RORA: variants seen among roughly 807,000 people sequenced by gnomAD.
The protein encoded by RORA is nuclear receptor ROR-alpha.
In RORA, 7 loss-of-function variants were observed where a neutral mutation model predicts 69.5. The ratio of observed to expected loss-of-function variants is 0.10; its 90% CI spans 0.06 to 0.19. The LOEUF (loss-of-function observed/expected upper bound fraction) is 0.19, where lower values mean the gene tolerates loss of function less well. Among genes scored for constraint, RORA ranks in the 10% least tolerant of loss-of-function variants. The pLI, the probability that RORA is intolerant of heterozygous loss-of-function variation, is 1.00. For missense variants in RORA, 457 were observed against 663.0 expected, an observed-to-expected ratio of 0.69 and a Z score of 3.41; for synonymous variants, 261 against 240.8, an observed-to-expected ratio of 1.08 and a Z score of -0.78.
At chr15:60,727,327 C>A (rs1231379461) in intron 1 of RORA, among the ~76,000 whole-genome samples, 1 of 152,160 alleles carries the variant, frequency 6.6e-6, no homozygotes, top group African/African-American at 2.4e-5. Context: ...GCAAAACCCA[C>A]TGAATTCCCA....
chr15:60,903,428 TA>T (rs1355630890), intron 1 of RORA, among the ~76,000 whole-genome samples: 2 of 152,196 alleles, frequency 1.3e-5, no homozygotes, highest in Non-Finnish European at 2.9e-5. Context: ...CAGCTTTATA[TA>T]AAATGTCTTC....
intron 1 of RORA, among the ~76,000 whole-genome samples, chr15:61,211,737 G>A (rs1271488158): frequency 1.3e-5 from 2 of 152,144 alleles, no homozygotes. Flanking sequence ...TACTTGAGTT[G>A]AAGATAAAGT....
chr15:61,144,893 A>C (rs553048267), intron 1 of RORA, among the ~76,000 whole-genome samples: 2 of 152,328 alleles, frequency 1.3e-5, no homozygotes, highest in South Asian at 4.2e-4. Flanking sequence ...ATAGGAAACT[A>C]TAAGTTTCGC....
chr15:61,200,780 T>C (rs1158304392), intron 1 of RORA, among the ~76,000 whole-genome samples: 1 of 152,208 alleles, frequency 6.6e-6, no homozygotes, highest in African/African-American at 2.4e-5. Flanking sequence ...GTCAGTCTAA[T>C]GCCCCAATCC....
chr15:60,582,789 G>A (rs1010411289), intron 2 of RORA, among the ~76,000 whole-genome samples: 5 of 152,200 alleles, frequency 3.3e-5, no homozygotes, highest in African/African-American at 1.2e-4. Context: ...GACCAGGTTG[G>A]GAGCAGATGA....
At chr15:60,914,093 T>C (rs1198871657) in intron 1 of RORA, among the ~76,000 whole-genome samples, 1 of 152,216 alleles carries the variant, frequency 6.6e-6, no homozygotes, top group Non-Finnish European at 1.5e-5. Context: ...GGGAAGAGGC[T>C]GTGAAAACAA....
intron 2 of RORA, among the ~76,000 whole-genome samples, chr15:60,578,721 G>A (rs2068099780): frequency 6.7e-6 from 1 of 150,286 alleles, no homozygotes; most frequent in East Asian, 2.0e-4. Context: ...ATTTAATAAA[G>A]TTAATAAATT....
chr15:60,979,590 A>T (rs1893977820), intron 1 of RORA, among the ~76,000 whole-genome samples: 1 of 152,036 alleles, frequency 6.6e-6, no homozygotes. Context: ...TTTTGATGCC[A>T]TTTCAAGTGG....
At chr15:61,091,441 C>G (rs1334337588) in intron 1 of RORA, among the ~76,000 whole-genome samples, 2 of 152,184 alleles carry the variant, frequency 1.3e-5, no homozygotes, top group Non-Finnish European at 2.9e-5. Context: ...CTGCCTGGGC[C>G]TGATGGAAGC....
chr15:60,845,065 T>C (rs1156439509), intron 1 of RORA, among the ~76,000 whole-genome samples: 1 of 152,106 alleles, frequency 6.6e-6, no homozygotes. Context: ...TCACTAAATA[T>C]TATAGTTAAA....
chr15:60,684,960 C>T (rs2070718614), intron 1 of RORA, among the ~76,000 whole-genome samples: 1 of 152,128 alleles, frequency 6.6e-6, no homozygotes, highest in Non-Finnish European at 1.5e-5. Context: ...TTTCTTATTC[C>T]ATAAAATGGG....
intron 1 of RORA, among the ~76,000 whole-genome samples, chr15:61,029,798 A>C (rs1896048140): frequency 6.6e-6 from 1 of 152,210 alleles, no homozygotes; most frequent in African/African-American, 2.4e-5. Flanking sequence ...GGAGACAATG[A>C]GTCTGGTTTT....
intron 2 of RORA, among the ~76,000 whole-genome samples, chr15:60,561,738 T>C (rs2067566014): frequency 1.3e-5 from 2 of 152,058 alleles, no homozygotes; most frequent in Non-Finnish European, 1.5e-5. Flanking sequence ...CTCAGAACCA[T>C]ATGAGCTATA....
intron 1 of RORA, among the ~76,000 whole-genome samples, chr15:61,114,495 A>C (rs2079033405): frequency 6.6e-6 from 1 of 152,216 alleles, no homozygotes; most frequent in African/African-American, 2.4e-5. Flanking sequence ...TACTGTATCC[A>C]TATTTACTAA....
rs2079497240 is a variant in RORA at position 61,161,681 on chromosome 15, T to C, written c.166+67372A>G. On this transcript the variant is annotated intron_variant, in intron 1 of 10. Transcript: ENST00000335670. ...CAAAAAAAAAGTTCTTATCTAGTAT[T>C]TGAATCTTTAAACAGCAAGCAACTT... is the stretch of plus-strand genomic sequence containing the variant. 3.9e-5 allele frequency among the ~76,000 whole-genome samples: 6 copies of C among 152,232 alleles called. No individual in the cohort carries two copies. In the South Asian group the frequency reaches 1.2e-3, roughly 32 times the overall value.
chr15:61,077,440 C>T (rs1353697777), intron 1 of RORA, among the ~76,000 whole-genome samples: 1 of 152,118 alleles, frequency 6.6e-6, no homozygotes, highest in Non-Finnish European at 1.5e-5. Flanking sequence ...AAACTTGAAG[C>T]GTTTCCTTCA....
intron 1 of RORA, among the ~76,000 whole-genome samples, chr15:60,730,721 C>A (rs1250186953): frequency 6.6e-6 from 1 of 152,100 alleles, no homozygotes; most frequent in Admixed American, 6.6e-5. Flanking sequence ...GGATTCATTT[C>A]CAAGTCAATA....
rs113903499 is a variant in RORA, at chr15:60,851,133, A to G, written c.167-172447T>C. 7.1e-3 allele frequency among the ~76,000 whole-genome samples: 1,087 copies of G among 152,312 alleles called. 16 individuals carry two copies. The highest frequency in any genetic ancestry group is 0.025 in the African/African-American group (1,025 of 41,566). ...GCTTCCCTGCTAGCACCACCGCTTG[A>G]GTCATCAGGAGCAACGATGTACATA... On this transcript the variant is annotated intron_variant, in intron 1 of 10. Coordinates refer to ENST00000335670, the MANE Select transcript of RORA (RefSeq NM_134261.3).
intron 2 of RORA, among the ~76,000 whole-genome samples, chr15:60,548,372 G>T (rs935203918): frequency 6.6e-6 from 1 of 152,084 alleles, no homozygotes; most frequent in Non-Finnish European, 1.5e-5. Flanking sequence ...TCCCCGCCGA[G>T]ACCATGACTT....
Sources: allele counts gnomAD v4.1 joint callset (sites outside exome capture counted in the v4.1 genomes callset), GRCh38; gene constraint gnomAD v4.1.1; transcripts MANE v1.5; gene names NCBI Gene and HGNC (gene_info 2026-07-23, HGNC 2026-07-21).